The following TLE1 variants were observed in gnomAD, a reference collection of about 807,000 sequenced individuals.
TLE1 encodes the protein TLE family member 1, transcriptional corepressor.
TLE1 carries 21 observed loss-of-function variants against 89.8 expected under a neutral mutation model. The ratio of observed to expected loss-of-function variants is 0.23; its 90% CI spans 0.17 to 0.34. The LOEUF (loss-of-function observed/expected upper bound fraction) is 0.34. Ranked by LOEUF, TLE1 falls within the 10% of genes least tolerant of loss-of-function variation. The pLI is 1.00. For missense variants in TLE1, 795 were observed against 1,031.2 expected (o/e 0.77, Z 3.14); for synonymous variants, 447 against 407.6 (o/e 1.10, Z -1.16).
At chr9:81,631,830 T>C (rs572154776) in intron 8 of TLE1, among the ~76,000 whole-genome samples, 1 of 152,342 alleles carries the variant, frequency 6.6e-6, no homozygotes, top group South Asian at 2.1e-4. Flanking sequence ...TCACCGGGCA[T>C]GGTGGCTCAG....
intron 8 of TLE1, chr9:81,621,003 G>C: frequency 2.7e-6 from 1 of 366,958 alleles, no homozygotes; most frequent in South Asian, 2.2e-5. Flanking sequence ...GGAAGCGGTG[G>C]GATTAACAGC....
Position 81,688,326 on chromosome 9 carries a change from G to A in TLE1, c.-86C>T, listed in dbSNP as rs572890782. 1.0e-4 allele frequency: 146 copies of A among 1,390,892 alleles called. 1 individual carries two copies. The African/African-American group carries it at 1.9e-3, about 18-fold the overall frequency. The allele number at this position is 1,390,892 out of a possible 1,614,324, so 86.2% of individuals were successfully genotyped here. On this transcript the variant is annotated 5_prime_UTR_variant, in exon 1 of 20. Transcript: ENST00000376499. ...CTTTAATCCCGCCGAGGAAAATTAAGCCGGAAAGCCAAGCAGAAGCGGGGA... is the reference window on the plus strand; with the variant it reads ...CTTTAATCCCGCCGAGGAAAATTAAACCGGAAAGCCAAGCAGAAGCGGGGA...
intron 8 of TLE1, among the ~76,000 whole-genome samples, chr9:81,625,170 A>ACT (rs565602051): frequency 6.6e-6 from 1 of 152,020 alleles, no homozygotes; most frequent in Non-Finnish European, 1.5e-5. Flanking sequence ...AAGGGACTGG[A>ACT]CTCTCTCTCT....
chr9:81,687,036 A>C (rs1834374519), intron 2 of TLE1, among the ~76,000 whole-genome samples: 1 of 152,228 alleles, frequency 6.6e-6, no homozygotes, highest in African/African-American at 2.4e-5. Flanking sequence ...CTGCTGAAAA[A>C]TAAATACATG....
chr9:81,684,584 T>A (rs759102354), intron 4 of TLE1, among the ~76,000 whole-genome samples: 12 of 152,236 alleles, frequency 7.9e-5, no homozygotes, highest in Non-Finnish European at 1.6e-4. Flanking sequence ...ATCTGAAGGC[T>A]GAACTAATCA....
Position 81,611,976 on chromosome 9 carries a change from G to C in TLE1, c.1064-17C>G, listed in dbSNP as rs1409953777. 1.4e-6 allele frequency: 2 copies of C among 1,431,802 alleles called. No individual in the cohort carries two copies. The highest frequency in any genetic ancestry group is 1.5e-5 in the African/African-American group (1 of 67,216). 88.7% of individuals were successfully genotyped at this position (1,431,802 alleles called of 1,614,324 possible). A position where few individuals can be genotyped will look rare whatever the true frequency, so the allele number is the denominator to read the frequency against. On this transcript the variant is annotated splice_polypyrimidine_tract_variant and intron_variant, in intron 12 of 19. Coordinates refer to ENST00000376499, the MANE Select transcript of TLE1 (RefSeq NM_005077.5). ...AGCCAGCTGCTGAAAGGAAACACAA[G>C]CCGCACATCATTCAACTGACCCACT...
intron 4 of TLE1, among the ~76,000 whole-genome samples, chr9:81,684,679 A>C (rs994139013): frequency 2.6e-5 from 4 of 152,248 alleles, no homozygotes; most frequent in Non-Finnish European, 5.9e-5. Context: ...CATATACATC[A>C]AGTAAGAATT....
intron 4 of TLE1, among the ~76,000 whole-genome samples, chr9:81,662,169 T>A (rs1181303545): frequency 6.6e-6 from 1 of 152,128 alleles, no homozygotes; most frequent in Non-Finnish European, 1.5e-5. Context: ...CTACCGAGTT[T>A]TTGAGAAAGT....
At chr9:81,633,668 C>T (rs1448902551) in intron 7 of TLE1, 2 of 499,124 alleles carry the variant, frequency 4.0e-6, no homozygotes, top group African/African-American at 3.8e-5. Context: ...TTAATGCATA[C>T]TAGAATTAAA....
At chr9:81,670,312 G>A (rs533489968) in intron 4 of TLE1, among the ~76,000 whole-genome samples, 1 of 152,082 alleles carries the variant, frequency 6.6e-6, no homozygotes, top group Admixed American at 6.5e-5. Context: ...ACAATGCAAA[G>A]TCTACACAAA....
Position 81,688,481 on chromosome 9 carries a change from G to C in TLE1, c.-241C>G, listed in dbSNP as rs902487802. The C allele has an allele frequency of 4.8e-6, 2 of 417,100 alleles. No individual in the cohort carries two copies. Among genetic ancestry groups the C allele is most frequent in the Non-Finnish European group, 8.4e-6 (2 of 239,006 alleles). 25.8% of individuals were successfully genotyped at this position (417,100 alleles called of 1,614,324 possible). A position where few individuals can be genotyped will look rare whatever the true frequency, so the allele number is the denominator to read the frequency against. On this transcript the variant is annotated 5_prime_UTR_variant, in exon 1 of 20. Coordinates refer to ENST00000376499, the MANE Select transcript of TLE1 (RefSeq NM_005077.5). ...CACATTAGTGGGCGCCCCAGGCCCA[G>C]CTGCTTCAAGAACCTGCGCGGAGAC...
chr9:81,671,652 A>C (rs1186987824), intron 4 of TLE1, among the ~76,000 whole-genome samples: 1 of 152,208 alleles, frequency 6.6e-6, no homozygotes, highest in African/African-American at 2.4e-5. Context: ...CTCAAAAAAA[A>C]AAAAGAAAAA....
chr9:81,590,713 T>G, intron 16 of TLE1, 92 bp downstream of exon 16: 1 of 1,545,062 alleles, frequency 6.5e-7, no homozygotes, highest in Non-Finnish European at 8.7e-7. Context: ...AGGCTCTTAT[T>G]GTGTGGGCTG....
At chr9:81,590,743 A>C (rs1829366273) in intron 16 of TLE1, 62 bp downstream of exon 16, 1 of 1,576,828 alleles carries the variant, frequency 6.3e-7, no homozygotes, top group Admixed American at 1.7e-5. Flanking sequence ...AGAGAGAAGC[A>C]GAGGTGATAG....
At chr9:81,656,026 T>C (rs1480129696) in intron 4 of TLE1, among the ~76,000 whole-genome samples, 2 of 152,080 alleles carry the variant, frequency 1.3e-5, no homozygotes, top group African/African-American at 4.8e-5. Context: ...TGACCACCAA[T>C]GAGACAAGGT....
chr9:81,622,784 C>A (rs891360969), intron 8 of TLE1, among the ~76,000 whole-genome samples: 1 of 152,106 alleles, frequency 6.6e-6, no homozygotes, highest in Non-Finnish European at 1.5e-5. Flanking sequence ...AAACAAGATG[C>A]CTCATCATAC....
chr9:81,687,531 TAA>T (rs1834463106), intron 1 of TLE1, 97 bp from the exon 2 acceptor site: 3 of 919,462 alleles, frequency 3.3e-6, no homozygotes, highest in Non-Finnish European at 3.4e-6. Flanking sequence ...GACATAAACA[TAA>T]AGTTAGAAGT....
chr9:81,588,257 G>A (rs940417207), intron 16 of TLE1, among the ~76,000 whole-genome samples: 2 of 152,194 alleles, frequency 1.3e-5, no homozygotes, highest in Non-Finnish European at 2.9e-5. Flanking sequence ...GCCTGAGTCC[G>A]TGAGAGAAAG....
In TLE1 at chr9:81,617,600, G is replaced by T. The variant is rs1292442744; in HGVS notation, c.712-901C>A. Among the ~76,000 whole-genome samples the T allele has an allele frequency of 3.9e-5, 6 of 152,198 alleles. No homozygotes were observed. The East Asian group carries it at 7.7e-4, about 20-fold the overall frequency. On this transcript the variant is annotated intron_variant, in intron 9 of 19. Transcript: ENST00000376499. ...GCCTGCAGTCACAGCTATTCAGGCA[G>T]CTGAGGCACAAGGATCGTTTGAACC...
Sources: gnomAD v4.1 joint callset for allele counts (sites outside exome capture counted in the v4.1 genomes callset) on GRCh38, gnomAD v4.1.1 for gene constraint, MANE v1.5 for transcripts, NCBI Gene and HGNC (gene_info 2026-07-23, HGNC 2026-07-21) for gene names.